The following BRAF variants were observed in gnomAD, a reference collection of about 807,000 sequenced individuals.
BRAF encodes B-Raf proto-oncogene, serine/threonine kinase.
In BRAF, 16 loss-of-function variants were observed where a neutral mutation model predicts 104.6. That is an observed-to-expected ratio of 0.15 (90% confidence interval 0.10 to 0.23). The LOEUF is 0.23. Ranked by LOEUF, BRAF falls within the 10% of genes least tolerant of loss-of-function variation. The pLI, the probability that BRAF is intolerant of heterozygous loss-of-function variation, is 1.00. For missense variants in BRAF, 541 were observed against 937.3 expected, an observed-to-expected ratio of 0.58 and a Z score of 5.52; for synonymous variants, 310 against 341.6, an observed-to-expected ratio of 0.91 and a Z score of 1.02.
At chr7:140,911,816 A>G (rs1357760892) in intron 1 of BRAF, among the ~76,000 whole-genome samples, 1 of 152,242 alleles carries the variant, frequency 6.6e-6, no homozygotes, top group African/African-American at 2.4e-5. Context: ...TCATGGCAGG[A>G]TAGTGGCAGG....
In BRAF at chr7:140,814,756, C is replaced by CATATATATATTATATATAACAT. The variant is rs201502228; in HGVS notation, c.505-5762_505-5761insATGTTATATATAATATATATAT. On this transcript the variant is annotated intron_variant, in intron 3 of 19. Coordinates refer to ENST00000644969, the MANE Select transcript of BRAF (RefSeq NM_001374258.1). ...AACATAATTTATATACAATATATAA[C>CATATATATATTATATATAACAT]ATATATATTATATATAACATATATA... Among the ~76,000 whole-genome samples, 18 of 138,488 alleles carry CATATATATATTATATATAACAT rather than the reference C, an allele frequency of 1.3e-4. 1 individual carries two copies. The highest frequency in any genetic ancestry group is 5.1e-4 in the African/African-American group (18 of 35,596). 90.9% of individuals were successfully genotyped at this position (138,488 alleles called of 152,430 possible).
chr7:140,735,737 T>C (rs1042674279), intron 18 of BRAF, among the ~76,000 whole-genome samples: 1 of 151,968 alleles, frequency 6.6e-6, no homozygotes, highest in Non-Finnish European at 1.5e-5. Context: ...TTTGTATTTT[T>C]AGCAGAGACA....
chr7:140,727,881 A>G (rs962345982), intron 19 of BRAF, among the ~76,000 whole-genome samples: 1 of 152,188 alleles, frequency 6.6e-6, no homozygotes, highest in African/African-American at 2.4e-5. Context: ...TTGGCCTCCC[A>G]AAGTGCTGGG....
At chr7:140,765,426 A>G (rs1345424987) in intron 14 of BRAF, among the ~76,000 whole-genome samples, 2 of 152,210 alleles carry the variant, frequency 1.3e-5, no homozygotes, top group African/African-American at 2.4e-5. Context: ...AAGCAATGGC[A>G]ACAAAAGCCA....
Position 140,726,370 on chromosome 7 carries a change from G to A in BRAF, c.*124C>T, listed in dbSNP as rs76749791. ...GGAAATTCCATTCTGTTCCACATCA[G>A]CTTATGCATTGGAAATTTTGTATCT... On this transcript the variant is annotated 3_prime_UTR_variant, in exon 20 of 20. Transcript: ENST00000644969. 3,875 of 1,498,434 alleles carry A rather than the reference G, an allele frequency of 2.6e-3. 12 individuals are homozygous for A. The highest frequency in any genetic ancestry group is 3.0e-3 in the Non-Finnish European group (3,425 of 1,131,462). 92.8% of individuals were successfully genotyped at this position (1,498,434 alleles called of 1,614,324 possible).
In BRAF at chr7:140,724,518, C is replaced by T. The variant is rs759135541; in HGVS notation, c.*1976G>A. On this transcript the variant is annotated 3_prime_UTR_variant, in exon 20 of 20. Transcript: ENST00000644969. ...GCCCTGCTGATGTAAAACTTAAAAACAAATTTGCTTTTCAAACTGATTAAT... is the reference window on the plus strand; with the variant it reads ...GCCCTGCTGATGTAAAACTTAAAAATAAATTTGCTTTTCAAACTGATTAAT... 45 of 1,047,838 alleles carry T rather than the reference C, an allele frequency of 4.3e-5. No individual in the cohort carries two copies. Among genetic ancestry groups the T allele is most frequent in the Non-Finnish European group, 5.1e-5 (44 of 868,388 alleles). 64.9% of individuals were successfully genotyped at this position (1,047,838 alleles called of 1,614,324 possible).
rs1402375821 is a variant in BRAF, at chr7:140,719,619, T to TA, written c.*6874dup. 2.2e-5 allele frequency: 23 copies of TA among 1,061,404 alleles called. No homozygotes were observed. The highest frequency in any genetic ancestry group is 4.1e-4 in the Middle Eastern group (1 of 2,412). 65.7% of individuals were successfully genotyped at this position (1,061,404 alleles called of 1,614,324 possible). A position where few individuals can be genotyped will look rare whatever the true frequency, so the allele number is the denominator to read the frequency against. ...TCAGGAAGTGGGTATGGGGGAGAATTAAAAAAAATAATAAAAGATTCAAGC... is the reference window on the plus strand; with the variant it reads ...TCAGGAAGTGGGTATGGGGGAGAATTAAAAAAAAATAATAAAAGATTCAAGC... On this transcript the variant is annotated 3_prime_UTR_variant, in exon 20 of 20. Transcript: ENST00000644969.
rs1795359539 is a variant in BRAF at position 140,722,295 on chromosome 7, T to C, written c.*4199A>G. On this transcript the variant is annotated 3_prime_UTR_variant, in exon 20 of 20. Coordinates refer to ENST00000644969, the MANE Select transcript of BRAF (RefSeq NM_001374258.1). Reference sequence around the variant, plus strand: ...TAAATGTGATTTTGGCTATAAACTCTTTAGTGCATTTACCTATGCAGTCTA... The same window carrying C: ...TAAATGTGATTTTGGCTATAAACTCCTTAGTGCATTTACCTATGCAGTCTA... 1.9e-6 allele frequency: 2 copies of C among 1,055,882 alleles called. No homozygotes were observed. Among genetic ancestry groups the C allele is most frequent in the African/African-American group, 3.3e-5 (2 of 60,604 alleles). 65.4% of individuals were successfully genotyped at this position (1,055,882 alleles called of 1,614,324 possible).
Position 140,724,429 on chromosome 7 carries a change from A to T in BRAF, c.*2065T>A, listed in dbSNP as rs928721282. On this transcript the variant is annotated 3_prime_UTR_variant, in exon 20 of 20. Transcript: ENST00000644969. ...AAGAGAGGCAGTATTATTGCACAGA[A>T]GATGTTCTTCAAATCAGCGTGAATT... 1.9e-5 allele frequency: 20 copies of T among 1,055,612 alleles called. No individual in the cohort carries two copies. The highest frequency in any genetic ancestry group is 5.3e-5 in the East Asian group (1 of 18,868). 65.4% of individuals were successfully genotyped at this position (1,055,612 alleles called of 1,614,324 possible).
At chr7:140,753,874 G>C (rs1464211805) in intron 15 of BRAF, 1 of 418,080 alleles carries the variant, frequency 2.4e-6, no homozygotes, top group Middle Eastern at 7.2e-4. Context: ...CAAGGTCAGA[G>C]GTCTGAAAGG....
chr7:140,773,091 G>A (rs1161378778), intron 14 of BRAF, among the ~76,000 whole-genome samples: 2 of 152,132 alleles, frequency 1.3e-5, no homozygotes, highest in Non-Finnish European at 2.9e-5. Context: ...TGAGAAAACT[G>A]ATAGGTTTTT....
intron 18 of BRAF, 95 bp downstream of exon 17, chr7:140,739,717 C>T (rs1206273238): frequency 1.4e-6 from 2 of 1,441,882 alleles, no homozygotes; most frequent in African/African-American, 1.4e-5. Flanking sequence ...AGAATCCAAA[C>T]TCATGAAATA....
intron 17 of BRAF, among the ~76,000 whole-genome samples, chr7:140,744,350 A>C (rs1562936803): frequency 1.3e-5 from 2 of 152,244 alleles, no homozygotes; most frequent in Non-Finnish European, 2.9e-5. Context: ...CTCTGTCCAC[A>C]ACTCCATTGG....
At chr7:140,718,470 G>A (rs1041080549), downstream of BRAF, among the ~76,000 whole-genome samples, 22 of 152,096 alleles carry the variant, frequency 1.4e-4, no homozygotes, top group Non-Finnish European at 1.3e-4. Flanking sequence ...GGCTGGTCTC[G>A]AACTCCTAAC....
chr7:140,828,595 A>T (rs1806343165), intron 3 of BRAF, among the ~76,000 whole-genome samples: 1 of 152,082 alleles, frequency 6.6e-6, no homozygotes, highest in Non-Finnish European at 1.5e-5. Flanking sequence ...TCTCAGAAAA[A>T]CCTTCAAGTA....
At chr7:140,917,229 T>G (rs558891677) in intron 1 of BRAF, among the ~76,000 whole-genome samples, 105 of 152,136 alleles carry the variant, frequency 6.9e-4, no homozygotes, top group African/African-American at 2.3e-3. Flanking sequence ...CTCGGCTAAT[T>G]TTTGTATTTT....
chr7:140,739,519 TGG>T lies in BRAF; in HGVS notation c.2247+291_2247+292del, dbSNP rs11360482. On this transcript the variant is annotated intron_variant, in intron 18 of 19. Transcript: ENST00000644969. ...AACTTATATAAACAAAAGCTCTTTG[TGG>T]GGGGGGGGGTCTTCGATAATTTTTA... Among the ~76,000 whole-genome samples, 22,867 of 135,162 alleles carry T rather than the reference TGG, an allele frequency of 0.17. 2,861 individuals are homozygous for T. Among genetic ancestry groups the T allele is most frequent in the African/African-American group, 0.35 (14,128 of 39,820 alleles). The allele number at this position is 135,162 out of a possible 152,430, so 88.7% of individuals were successfully genotyped here.
intron 17 of BRAF, among the ~76,000 whole-genome samples, chr7:140,742,868 A>G (rs932045484): frequency 9.2e-5 from 14 of 151,724 alleles, no homozygotes; most frequent in African/African-American, 3.4e-4. Flanking sequence ...ACTCAAACAA[A>G]TTTACAAGAA....
chr7:140,744,126 C>CA (rs531343438), intron 17 of BRAF, among the ~76,000 whole-genome samples: 201 of 152,306 alleles, frequency 1.3e-3, no homozygotes, highest in African/African-American at 4.8e-3. Context: ...GGCCATGGGC[C>CA]ATGCCAGACA....
Sources: allele counts gnomAD v4.1 joint callset (sites outside exome capture counted in the v4.1 genomes callset), GRCh38; gene constraint gnomAD v4.1.1; transcripts MANE v1.5; gene names NCBI Gene and HGNC (gene_info 2026-07-23, HGNC 2026-07-21).